The following N4BP2L2 variants were observed in gnomAD, a reference collection of about 807,000 sequenced individuals.
The protein encoded by N4BP2L2 is NEDD4-binding protein 2-like 2.
Under a neutral mutation model 56.2 loss-of-function variants are expected in N4BP2L2, and 50 were observed. That is an observed-to-expected ratio of 0.89 (90% CI 0.71 to 1.13). The LOEUF (loss-of-function observed/expected upper bound fraction) is 1.13, where lower values mean the gene tolerates loss of function less well. N4BP2L2 is among the 50% of genes most tolerant of loss of function. The pLI is 0.00. For synonymous variants in N4BP2L2, 203 were observed against 223.6 expected (o/e 0.91, Z 0.82); for missense variants, 689 against 693.8 (o/e 0.99, Z 0.08).
At chr13:32,518,830 T>C (rs2049946739) in intron 5 of N4BP2L2, among the ~76,000 whole-genome samples, 1 of 152,164 alleles carries the variant, frequency 6.6e-6, no homozygotes, top group East Asian at 1.9e-4. Context: ...AAGTTATATA[T>C]TTATATTTAT....
intron 6 of N4BP2L2, among the ~76,000 whole-genome samples, chr13:32,464,971 GT>G (rs967381291): frequency 3.4e-5 from 5 of 148,406 alleles, no homozygotes; most frequent in Admixed American, 2.0e-4. Context: ...ATTCTTGTTT[GT>G]TTTTTTTTTC....
At position 32,536,445 on chromosome 13, in the gene N4BP2L2, C is replaced by A; in HGVS notation, c.583G>T (p.Glu195Ter). ...AATTGTTCCTGAGAAGGTTCAGATT[C>A]TTTACAACTGTTCTCAAAACCATCT... The change falls in exon 2 of 6, where the codon GAA (glutamate) becomes TAA (stop). Residue 195 changes from glutamate (E) to a stop codon, truncating the protein, a stop_gained. Transcript: ENST00000267068. LOFTEE classifies it high-confidence loss of function. The A allele has an allele frequency of 1.2e-6, 2 of 1,613,340 alleles. No homozygotes were observed. The highest frequency in any genetic ancestry group is 2.2e-5 in the South Asian group (2 of 90,906).
At chr13:32,452,597 G>T (rs2078277719) in intron 6 of N4BP2L2, among the ~76,000 whole-genome samples, 1 of 152,118 alleles carries the variant, frequency 6.6e-6, no homozygotes. Context: ...CACATCAGCA[G>T]GTTAAAGGAT....
At chr13:32,443,086 T>A (rs750780100) in exon 7 of N4BP2L2, 1 of 1,606,738 alleles carries the variant, frequency 6.2e-7, no homozygotes, top group Non-Finnish European at 8.5e-7. Flanking sequence ...CCTTTTCTTA[T>A]TTTTTGTTGA....
intron 6 of N4BP2L2, among the ~76,000 whole-genome samples, chr13:32,501,060 G>A (rs1218966661): frequency 6.6e-6 from 1 of 151,982 alleles, no homozygotes; most frequent in East Asian, 1.9e-4. Context: ...TAAAGACGAG[G>A]TTTCGCCATT....
intron 7 of N4BP2L2, chr13:32,442,371 A>G: frequency 6.5e-7 from 1 of 1,536,192 alleles, no homozygotes; most frequent in Non-Finnish European, 8.7e-7. Context: ...TACTTTTAGC[A>G]AAAGAAAACA....
At chr13:32,472,399 T>A (rs1464104027) in intron 6 of N4BP2L2, among the ~76,000 whole-genome samples, 1 of 152,246 alleles carries the variant, frequency 6.6e-6, no homozygotes, top group African/African-American at 2.4e-5. Flanking sequence ...CAACACTTCC[T>A]TTTTGCTGTG....
At chr13:32,485,937 A>G (rs1447291085) in intron 6 of N4BP2L2, among the ~76,000 whole-genome samples, 2 of 151,948 alleles carry the variant, frequency 1.3e-5, no homozygotes, top group East Asian at 3.9e-4. Context: ...GAGTGTGGTG[A>G]TGTGGGCCTG....
intron 6 of N4BP2L2, among the ~76,000 whole-genome samples, chr13:32,455,527 C>A (rs2078831584): frequency 6.6e-6 from 1 of 152,218 alleles, no homozygotes; most frequent in Admixed American, 6.5e-5. Context: ...AGCAAGGTCA[C>A]AGCACACTTG....
chr13:32,499,482 G>A (rs941827180), intron 6 of N4BP2L2, among the ~76,000 whole-genome samples: 4 of 152,112 alleles, frequency 2.6e-5, no homozygotes, highest in African/African-American at 9.7e-5. Context: ...CATTGGTAAA[G>A]TCAATGCAGC....
chr13:32,437,326 T>A (rs2075643267), intron 8 of N4BP2L2, among the ~76,000 whole-genome samples: 1 of 152,218 alleles, frequency 6.6e-6, no homozygotes, highest in East Asian at 1.9e-4. Flanking sequence ...ACAGACGAAA[T>A]GAGTCTACTT....
At chr13:32,503,643 GACAA>G (rs1439788291) in intron 6 of N4BP2L2, among the ~76,000 whole-genome samples, 2 of 152,132 alleles carry the variant, frequency 1.3e-5, no homozygotes, top group African/African-American at 2.4e-5. Flanking sequence ...CAGTGTAAAG[GACAA>G]ACAAGTTATT....
chr13:32,480,676 T>C, intron 6 of N4BP2L2: 1 of 1,208,966 alleles, frequency 8.3e-7, no homozygotes, highest in Non-Finnish European at 1.1e-6. Flanking sequence ...GCTTCACAAC[T>C]TTTAAAGTGC....
exon 10 of N4BP2L2, chr13:32,432,876 A>G (rs561979125): frequency 5.3e-5 from 8 of 152,330 alleles, no homozygotes; most frequent in Non-Finnish European, 8.8e-5. Context: ...TCCAACGGGT[A>G]CGTCTCTGGA....
At chr13:32,453,183 G>A (rs935903778) in intron 6 of N4BP2L2, among the ~76,000 whole-genome samples, 1 of 152,224 alleles carries the variant, frequency 6.6e-6, no homozygotes, top group Admixed American at 6.5e-5. Flanking sequence ...TTGAGCCAAA[G>A]AGGCGGAGGT....
chr13:32,461,512 C>T lies in N4BP2L2; in HGVS notation c.366-17386G>A, dbSNP rs182874859. The stretch of plus-strand genomic sequence containing the variant: ...CAAAAGAAGATATACAAATGGCCAA[C>T]AGGTCTATGAAAAAATGGTTGATAT... On this transcript the variant is annotated intron_variant, in intron 6 of 9. Transcript: ENST00000357505. Among the ~76,000 whole-genome samples, 200 of 152,180 alleles carry T rather than the reference C, an allele frequency of 1.3e-3. 1 individual carries two copies. The highest frequency in any genetic ancestry group is 4.7e-3 in the African/African-American group (196 of 41,540).
chr13:32,538,566 C>A (rs1477043580), intron 1 of N4BP2L2, 52 bp downstream of exon 1: 3 of 948,142 alleles, frequency 3.2e-6, no homozygotes, highest in Non-Finnish European at 3.8e-6. Context: ...GAAGTGAAAG[C>A]GAAAAACACC....
intron 6 of N4BP2L2, among the ~76,000 whole-genome samples, chr13:32,461,765 G>C (rs768928893): frequency 4.6e-5 from 7 of 152,062 alleles, no homozygotes; most frequent in Non-Finnish European, 1.0e-4. Flanking sequence ...GTCATGCCTG[G>C]CTAATTTTTG....
chr13:32,501,605 G>A (rs2090015021), intron 6 of N4BP2L2, among the ~76,000 whole-genome samples: 1 of 151,442 alleles, frequency 6.6e-6, no homozygotes, highest in South Asian at 2.2e-4. Flanking sequence ...ATGAGGTCAG[G>A]AGATCGAGAC....
Sources: gnomAD v4.1 joint callset for allele counts (sites outside exome capture counted in the v4.1 genomes callset) on GRCh38, gnomAD v4.1.1 for gene constraint, MANE v1.5 for transcripts, NCBI Gene and HGNC (gene_info 2026-07-23, HGNC 2026-07-21) for gene names.